The following PATL2 variants were observed in gnomAD, a reference collection of about 807,000 sequenced individuals.
PATL2 encodes PAT1 homolog 2, also known as protein PAT1 homolog 2.
PATL2 carries 73 observed loss-of-function variants against 77.0 expected under a neutral mutation model. The observed-to-expected ratio is 0.95, with a 90% CI of 0.78 to 1.15. PATL2 has a LOEUF of 1.15. Ranked by LOEUF, PATL2 falls within the 50% of genes most tolerant of loss-of-function variation. PATL2 has a pLI of 0.00. For synonymous variants in PATL2, 265 were observed against 257.1 expected (o/e 1.03, Z -0.29); for missense variants, 618 against 655.4 (o/e 0.94, Z 0.62).
chr15:44,703,391 T>A, intron 3 of PATL2, among the ~76,000 whole-genome samples: 1 of 152,112 alleles, frequency 6.6e-6, no homozygotes, highest in East Asian at 1.9e-4. Flanking sequence ...GGTGTTGAAG[T>A]CTCCAGCTAT....
At chr15:44,704,675 T>G (rs887257896) in intron 3 of PATL2, among the ~76,000 whole-genome samples, 1 of 152,242 alleles carries the variant, frequency 6.6e-6, no homozygotes, top group African/African-American at 2.4e-5. Context: ...ATTCTGTTTT[T>G]TTTCTGTGTA....
At chr15:44,681,300 T>C (rs1295695955) in intron 3 of PATL2, among the ~76,000 whole-genome samples, 2 of 152,352 alleles carry the variant, frequency 1.3e-5, no homozygotes, top group East Asian at 3.9e-4. Context: ...ATTACAGATG[T>C]GAGCCACTTC....
rs1055888625 is a variant in PATL2 at position 44,711,323 on chromosome 15, C to G, written c.-557G>C. The stretch of plus-strand genomic sequence containing the variant: ...TCGGAGGGCGCCGATGTACAGACAG[C>G]AAACTCACCCAGTCTAGTGCATGCC... On this transcript the variant is annotated 5_prime_UTR_variant, in exon 1 of 18. Coordinates refer to ENST00000682850, the MANE Select transcript of PATL2 (RefSeq NM_001387263.1). 4.7e-6 allele frequency: 3 copies of G among 632,250 alleles called. No individual in the cohort carries two copies. Among genetic ancestry groups the G allele is most frequent in the Non-Finnish European group, 8.5e-6 (3 of 353,050 alleles). The allele number at this position is 632,250 out of a possible 1,614,324, so 39.2% of individuals were successfully genotyped here.
intron 14 of PATL2, 153 bp from the exon 15 acceptor site, chr15:44,668,635 A>C: frequency 1.0e-6 from 1 of 984,480 alleles, no homozygotes; most frequent in East Asian, 2.7e-5. Context: ...CTCCATCCCC[A>C]ACACTGACAC....
intron 3 of PATL2, among the ~76,000 whole-genome samples, chr15:44,684,082 C>G (rs975095522): frequency 2.6e-5 from 4 of 151,874 alleles, no homozygotes; most frequent in Admixed American, 6.6e-5. Context: ...CACAGAAACC[C>G]CATCCGAAGG....
intron 3 of PATL2, among the ~76,000 whole-genome samples, chr15:44,708,641 C>G (rs893355302): frequency 1.1e-4 from 17 of 152,104 alleles, no homozygotes; most frequent in Admixed American, 1.0e-3. Flanking sequence ...CAGTTTATTC[C>G]TTGTTTGTTG....
At chr15:44,691,253 A>G (rs545780661) in intron 3 of PATL2, among the ~76,000 whole-genome samples, 34 of 152,314 alleles carry the variant, frequency 2.2e-4, no homozygotes, top group African/African-American at 7.9e-4. Context: ...CCTATGTTCA[A>G]TCCATAATAG....
chr15:44,672,716 C>T (rs2085750625), intron 7 of PATL2, among the ~76,000 whole-genome samples: 1 of 152,146 alleles, frequency 6.6e-6, no homozygotes, highest in African/African-American at 2.4e-5. Flanking sequence ...ATCAGGAGTT[C>T]TGAATAGTAG....
chr15:44,705,473 C>A (rs1014794854), intron 3 of PATL2, among the ~76,000 whole-genome samples: 2 of 152,194 alleles, frequency 1.3e-5, no homozygotes, highest in African/African-American at 4.8e-5. Flanking sequence ...AGCCACTGCA[C>A]CTGGCTGCAG....
chr15:44,671,147 G>A lies in PATL2; in HGVS notation c.657+868C>T, dbSNP rs189426948. Among the ~76,000 whole-genome samples the A allele has an allele frequency of 1.1e-4, 16 of 152,328 alleles. No homozygotes were observed. The East Asian group carries it at 3.1e-3, about 29-fold the overall frequency. ...AAAAATACCTAATGTAAATGAGAAG[G>A]CAATAAGGATGGGGCACTGGATGGG... On this transcript the variant is annotated intron_variant, in intron 9 of 17. Transcript: ENST00000682850.
At chr15:44,682,991 T>C (rs1326232762) in intron 3 of PATL2, among the ~76,000 whole-genome samples, 4 of 152,166 alleles carry the variant, frequency 2.6e-5, no homozygotes, top group African/African-American at 9.7e-5. Flanking sequence ...TGCAAGGGGT[T>C]GGGGAACTCC....
intron 3 of PATL2, among the ~76,000 whole-genome samples, chr15:44,705,753 G>C (rs1477585324): frequency 6.6e-6 from 1 of 150,670 alleles, no homozygotes; most frequent in African/African-American, 2.5e-5. Context: ...TTATATGATA[G>C]GATTCTGAAT....
chr15:44,672,654 G>A (rs2085747691), intron 7 of PATL2, among the ~76,000 whole-genome samples, 198 bp from the exon 8 acceptor site: 1 of 152,168 alleles, frequency 6.6e-6, no homozygotes, highest in African/African-American at 2.4e-5. Context: ...CTATTTTCCT[G>A]CAATTTGGCT....
intron 2 of PATL2, among the ~76,000 whole-genome samples, chr15:44,710,589 T>TA (rs942079191): frequency 2.0e-5 from 3 of 152,226 alleles, no homozygotes; most frequent in African/African-American, 7.2e-5. Flanking sequence ...TCTAGTCTCT[T>TA]AGCCTTTGTT....
chr15:44,694,306 T>C (rs915189734), intron 3 of PATL2, among the ~76,000 whole-genome samples: 3 of 152,178 alleles, frequency 2.0e-5, no homozygotes, highest in African/African-American at 4.8e-5. Context: ...ATTAGATAAA[T>C]AGATTTTTGG....
rs1482294925 is a variant in PATL2 at position 44,704,454 on chromosome 15, CATAA to C, written c.-76+5638_-76+5641del. ...ACCAATGAAAACTTACCACTGATTA[CATAA>C]ATAAAGAAGCAAAGAAAAAATTAAT... On this transcript the variant is annotated intron_variant, in intron 3 of 17. Transcript: ENST00000682850. 3.3e-5 allele frequency among the ~76,000 whole-genome samples: 5 copies of C among 152,260 alleles called. No individual in the cohort carries two copies. In the East Asian group the frequency reaches 9.6e-4, roughly 29 times the overall value.
chr15:44,709,187 C>G (rs924816881), intron 3 of PATL2, among the ~76,000 whole-genome samples: 1 of 152,182 alleles, frequency 6.6e-6, no homozygotes, highest in Non-Finnish European at 1.5e-5. Flanking sequence ...GTGTGAGCCA[C>G]CACATCCAGC....
intron 3 of PATL2, 148 bp from the exon 4 acceptor site, chr15:44,676,713 C>A: frequency 8.5e-7 from 1 of 1,183,226 alleles, no homozygotes; most frequent in South Asian, 1.6e-5. Context: ...TCTCAGACTG[C>A]CATAAACACC....
At chr15:44,675,335 T>G in intron 5 of PATL2, 151 bp downstream of exon 5, 2 of 815,190 alleles carry the variant, frequency 2.5e-6, no homozygotes, top group East Asian at 2.8e-5. Context: ...AAGGAGAGAG[T>G]CCCTAACTCA....
Sources: gnomAD v4.1 joint callset for allele counts (sites outside exome capture counted in the v4.1 genomes callset) on GRCh38, gnomAD v4.1.1 for gene constraint, MANE v1.5 for transcripts, NCBI Gene and HGNC (gene_info 2026-07-23, HGNC 2026-07-21) for gene names.